The following DKK2 variants were observed in gnomAD, a reference collection of about 807,000 sequenced individuals.
DKK2 encodes the protein dickkopf-related protein 2.
A neutral mutation model predicts 28.1 loss-of-function variants in DKK2; 11 were observed. The ratio of observed to expected loss-of-function variants is 0.39; its 90% confidence interval spans 0.25 to 0.65. The LOEUF (loss-of-function observed/expected upper bound fraction) is 0.65, where lower values mean the gene tolerates loss of function less well. Ranked by LOEUF, DKK2 falls within the 30% of genes least tolerant of loss-of-function variation. The pLI, the probability that DKK2 is intolerant of heterozygous loss-of-function variation, is 0.47. For synonymous variants in DKK2, 135 were observed against 126.5 expected (o/e 1.07, Z -0.45); for missense variants, 326 against 335.5 (o/e 0.97, Z 0.22).
chr4:107,025,503 A>G (rs189798736), intron 1 of DKK2, among the ~76,000 whole-genome samples: 53 of 152,298 alleles, frequency 3.5e-4, no homozygotes, highest in African/African-American at 1.3e-3. Context: ...AATGTAAAAT[A>G]TATTTCTTTC....
At chr4:106,981,757 T>C (rs1465986702) in intron 1 of DKK2, among the ~76,000 whole-genome samples, 4 of 152,180 alleles carry the variant, frequency 2.6e-5, no homozygotes, top group African/African-American at 9.6e-5. Context: ...TTCATGATCC[T>C]TCCAGAGAAA....
In DKK2 at chr4:106,966,963, T is replaced by C. The variant is rs141874789; in HGVS notation, c.223-41014A>G. On this transcript the variant is annotated intron_variant, in intron 1 of 3. Coordinates refer to ENST00000285311, the MANE Select transcript of DKK2 (RefSeq NM_014421.3). ...GGGGACACAGCCAAACCATATCAATTTCCTTCATTACTATAGTTCATTTGT... is the reference window on the plus strand; with the variant it reads ...GGGGACACAGCCAAACCATATCAATCTCCTTCATTACTATAGTTCATTTGT... Among the ~76,000 whole-genome samples the C allele has an allele frequency of 8.3e-3, 1,265 of 152,258 alleles. 10 individuals carry two copies. Among genetic ancestry groups the C allele is most frequent in the Non-Finnish European group, 0.014 (933 of 68,006 alleles).
chr4:106,992,347 T>C (rs1723217007), intron 1 of DKK2, among the ~76,000 whole-genome samples: 2 of 152,200 alleles, frequency 1.3e-5, no homozygotes, highest in Admixed American at 1.3e-4. Context: ...AATCCAGCTT[T>C]TCTCACCCAA....
intron 1 of DKK2, among the ~76,000 whole-genome samples, chr4:107,022,799 T>G (rs1440164962): frequency 6.6e-6 from 1 of 151,938 alleles, no homozygotes; most frequent in Non-Finnish European, 1.5e-5. Context: ...AAAAAAGGAT[T>G]AATATTAGGG....
intron 1 of DKK2, among the ~76,000 whole-genome samples, chr4:106,938,741 C>T (rs1466717438): frequency 4.6e-5 from 7 of 152,118 alleles, no homozygotes; most frequent in Admixed American, 4.6e-4. Context: ...AATCCAGCAG[C>T]ACATCAAAAA....
chr4:107,035,059 A>G (rs1450714038), intron 1 of DKK2, among the ~76,000 whole-genome samples: 1 of 152,190 alleles, frequency 6.6e-6, no homozygotes, highest in Non-Finnish European at 1.5e-5. Flanking sequence ...CAGTTGCATC[A>G]CAGTGTTAAA....
intron 1 of DKK2, among the ~76,000 whole-genome samples, chr4:107,031,968 T>C (rs1723882170): frequency 6.6e-6 from 1 of 151,960 alleles, no homozygotes; most frequent in African/African-American, 2.4e-5. Flanking sequence ...TTGTTTGAAA[T>C]TACTTTTAAT....
At chr4:106,986,948 A>G (rs561560679) in intron 1 of DKK2, among the ~76,000 whole-genome samples, 3 of 152,348 alleles carry the variant, frequency 2.0e-5, no homozygotes, top group East Asian at 1.9e-4. Context: ...ACTATTAGCC[A>G]TAATCATGAC....
chr4:106,988,366 CAAT>C (rs1723155602), intron 1 of DKK2, among the ~76,000 whole-genome samples: 1 of 151,894 alleles, frequency 6.6e-6, no homozygotes, highest in Admixed American at 6.6e-5. Flanking sequence ...GGTGGTCACA[CAAT>C]AATATTAGGT....
chr4:107,008,599 T>C (rs2110367968), intron 1 of DKK2, among the ~76,000 whole-genome samples: 1 of 152,100 alleles, frequency 6.6e-6, no homozygotes, highest in South Asian at 2.1e-4. Flanking sequence ...ATTAAGGCAG[T>C]TAGGCTTTAT....
At chr4:106,954,579 T>C (rs1722558983) in intron 1 of DKK2, among the ~76,000 whole-genome samples, 1 of 152,194 alleles carries the variant, frequency 6.6e-6, no homozygotes, top group South Asian at 2.1e-4. Context: ...TGGAGTGCAA[T>C]GGCATGATCT....
chr4:106,983,337 G>GAAGAAAAAGAAAGA (rs1723059803), intron 1 of DKK2, among the ~76,000 whole-genome samples: 1 of 120,432 alleles, frequency 8.3e-6, no homozygotes, highest in Non-Finnish European at 1.7e-5. Flanking sequence ...AGGAAGAAAG[G>GAAGAAAAAGAAAGA]AAGAAAGAAA....
chr4:106,926,555 A>G (rs967921193), intron 1 of DKK2, among the ~76,000 whole-genome samples: 2 of 152,144 alleles, frequency 1.3e-5, no homozygotes, highest in African/African-American at 2.4e-5. Flanking sequence ...CATTCCAAAC[A>G]CGGTGATAAG....
chr4:107,019,109 C>T (rs533081469), intron 1 of DKK2, among the ~76,000 whole-genome samples: 45 of 152,070 alleles, frequency 3.0e-4, no homozygotes, highest in African/African-American at 1.1e-3. Context: ...AGAACTTCAA[C>T]AACGTTTCCA....
intron 1 of DKK2, among the ~76,000 whole-genome samples, chr4:106,965,383 T>G (rs922952789): frequency 6.6e-6 from 1 of 152,132 alleles, no homozygotes; most frequent in Non-Finnish European, 1.5e-5. Flanking sequence ...TTGGCAGGAA[T>G]AAGTTTCTCA....
intron 1 of DKK2, among the ~76,000 whole-genome samples, chr4:106,987,286 T>C (rs1723134646): frequency 6.6e-6 from 1 of 152,254 alleles, no homozygotes; most frequent in Non-Finnish European, 1.5e-5. Flanking sequence ...TTTCTAATTA[T>C]AATTTTCAAG....
intron 1 of DKK2, among the ~76,000 whole-genome samples, chr4:106,976,121 C>T (rs1306663287): frequency 6.6e-6 from 1 of 152,100 alleles, no homozygotes; most frequent in Non-Finnish European, 1.5e-5. Context: ...GTTATGATTT[C>T]CATTCTTTTC....
chr4:106,978,049 C>A (rs1025045486), intron 1 of DKK2, among the ~76,000 whole-genome samples: 3 of 152,192 alleles, frequency 2.0e-5, no homozygotes, highest in Admixed American at 6.5e-5. Context: ...ACCCTGTTTG[C>A]CTGGATATCA....
rs1239327486 is a variant in DKK2 at position 106,964,158 on chromosome 4, A to G, written c.223-38209T>C. On this transcript the variant is annotated intron_variant, in intron 1 of 3. Coordinates refer to ENST00000285311, the MANE Select transcript of DKK2 (RefSeq NM_014421.3). ...ATATTATTAATGAAATTAATACAAT[A>G]GAAGATTATTCAGCCATAAAAATAA... 8.5e-5 allele frequency among the ~76,000 whole-genome samples: 13 copies of G among 152,196 alleles called. No homozygotes were observed. In the East Asian group the frequency reaches 2.5e-3, roughly 29 times the overall value.
Sources: allele counts gnomAD v4.1 joint callset (sites outside exome capture counted in the v4.1 genomes callset), GRCh38; gene constraint gnomAD v4.1.1; transcripts MANE v1.5; gene names NCBI Gene and HGNC (gene_info 2026-07-23, HGNC 2026-07-21).